DCDC1: variants seen among roughly 807,000 people sequenced by gnomAD.
DCDC1 encodes doublecortin domain-containing protein 1.
In DCDC1, 200 loss-of-function variants were observed where a neutral mutation model predicts 178.3. That is an observed-to-expected ratio of 1.12 (90% CI 1.00 to 1.26). The LOEUF (loss-of-function observed/expected upper bound fraction) is 1.26. Ranked by LOEUF, DCDC1 falls within the 50% of genes most tolerant of loss-of-function variation. The pLI is 0.00. For synonymous variants in DCDC1, 690 were observed against 604.8 expected (o/e 1.14, Z -2.07); for missense variants, 1,983 against 1,749.2 (o/e 1.13, Z -2.38).
At chr11:31,274,699 C>T (rs1261918400) in intron 7 of DCDC1, among the ~76,000 whole-genome samples, 4 of 132,076 alleles carry the variant, frequency 3.0e-5, no homozygotes, top group Non-Finnish European at 6.4e-5. Context: ...TCACAAATGT[C>T]TTTTTTTTTT....
At chr11:30,984,841 C>T (rs1289033357) in intron 20 of DCDC1, among the ~76,000 whole-genome samples, 1 of 152,142 alleles carries the variant, frequency 6.6e-6, no homozygotes, top group Non-Finnish European at 1.5e-5. Context: ...TGTGCTGATA[C>T]ATTTGGAAAC....
chr11:31,211,262 T>C (rs1972501316), intron 9 of DCDC1, among the ~76,000 whole-genome samples: 1 of 152,202 alleles, frequency 6.6e-6, no homozygotes, highest in South Asian at 2.1e-4. Flanking sequence ...ATAATTATGA[T>C]GATAAAGCAT....
Position 31,077,875 on chromosome 11 carries a change from A to G in DCDC1, c.2288T>C (p.Ile763Thr). ...TTATAAAGTCCTTACCTTTGAATAA[A>G]TGCAACCATCAGTTCCAAACACCCA... ...QKWVFGTDGC[I>T]YSKAYPQFVL... Residue 763 changes from isoleucine (I) to threonine (T), a missense_variant, in exon 18 of 39, where the codon ATT becomes ACT. Physicochemically the swap from Ile to Thr is moderately conservative, Grantham distance 89. Transcript: ENST00000684477. The G allele has an allele frequency of 1.3e-6, 1 of 766,266 alleles. No homozygotes were observed. Among genetic ancestry groups the G allele is most frequent in the Non-Finnish European group, 2.4e-6 (1 of 417,786 alleles). 47.5% of individuals were successfully genotyped at this position (766,266 alleles called of 1,614,324 possible). A position where few individuals can be genotyped will look rare whatever the true frequency, so the allele number is the denominator to read the frequency against.
intron 20 of DCDC1, among the ~76,000 whole-genome samples, chr11:30,983,814 C>T (rs1950504684): frequency 6.6e-6 from 1 of 151,854 alleles, no homozygotes; most frequent in Non-Finnish European, 1.5e-5. Flanking sequence ...CTCCCTCACT[C>T]ATGAAAATAA....
chr11:30,867,977 A>G (rs922520739), intron 38 of DCDC1, among the ~76,000 whole-genome samples: 2 of 152,168 alleles, frequency 1.3e-5, no homozygotes, highest in African/African-American at 4.8e-5. Context: ...CATGAGTCCC[A>G]GCCCAATATT....
At chr11:30,873,248 T>C (rs1941764318) in intron 38 of DCDC1, among the ~76,000 whole-genome samples, 1 of 150,278 alleles carries the variant, frequency 6.7e-6, no homozygotes, top group South Asian at 2.1e-4. Flanking sequence ...ATTTATCCTA[T>C]CAAAATGACT....
chr11:31,169,885 G>T (rs1179698680), intron 9 of DCDC1, among the ~76,000 whole-genome samples: 1 of 152,160 alleles, frequency 6.6e-6, no homozygotes, highest in Admixed American at 6.5e-5. Flanking sequence ...CAAAGATTTT[G>T]GGGGTAAGGA....
intron 21 of DCDC1, among the ~76,000 whole-genome samples, chr11:30,940,544 T>C (rs1947568623): frequency 6.6e-6 from 1 of 152,184 alleles, no homozygotes; most frequent in Non-Finnish European, 1.5e-5. Flanking sequence ...TGCCTGGCAA[T>C]ATTGGTTGTC....
chr11:31,051,759 T>A (rs1955263130), intron 20 of DCDC1, among the ~76,000 whole-genome samples: 1 of 152,138 alleles, frequency 6.6e-6, no homozygotes, highest in East Asian at 1.9e-4. Flanking sequence ...ATAGTCGTTT[T>A]CAGACAAACA....
chr11:31,261,362 C>T (rs964688236), intron 8 of DCDC1, among the ~76,000 whole-genome samples: 2 of 152,170 alleles, frequency 1.3e-5, no homozygotes, highest in Non-Finnish European at 2.9e-5. Flanking sequence ...TCCCCATATC[C>T]CTGTTATTTT....
chr11:31,153,385 C>T (rs1357111555), intron 9 of DCDC1, among the ~76,000 whole-genome samples: 1 of 152,122 alleles, frequency 6.6e-6, no homozygotes, highest in African/African-American at 2.4e-5. Flanking sequence ...CTCTTCAAAC[C>T]CCCATCGCAT....
intron 9 of DCDC1, among the ~76,000 whole-genome samples, chr11:31,232,688 C>T (rs1236880152): frequency 6.6e-6 from 1 of 152,138 alleles, no homozygotes; most frequent in African/African-American, 2.4e-5. Flanking sequence ...CTTGCTGTCT[C>T]ACCTTAGACA....
At chr11:31,093,415 G>A (rs1052986560) in intron 16 of DCDC1, among the ~76,000 whole-genome samples, 2 of 152,116 alleles carry the variant, frequency 1.3e-5, no homozygotes, top group African/African-American at 4.8e-5. Flanking sequence ...GGAGATACAG[G>A]AAAGATAATT....
At chr11:31,080,891 T>C (rs1182577586) in intron 17 of DCDC1, among the ~76,000 whole-genome samples, 1 of 152,250 alleles carries the variant, frequency 6.6e-6, no homozygotes, top group Non-Finnish European at 1.5e-5. Flanking sequence ...ATACGACATC[T>C]GCAATTGGCA....
chr11:31,307,472 A>C, intron 4 of DCDC1, 167 bp downstream of exon 4: 1 of 814,658 alleles, frequency 1.2e-6, no homozygotes, highest in South Asian at 1.9e-5. Flanking sequence ...TGTAATTAAC[A>C]ACATTCTACT....
chr11:30,921,002 A>G, intron 24 of DCDC1, 67 bp from the exon 25 acceptor site: 2 of 1,487,158 alleles, frequency 1.3e-6, no homozygotes, highest in Admixed American at 2.2e-5. Flanking sequence ...GAATTTAAAA[A>G]CACACACTAA....
In DCDC1 at chr11:31,312,043, C is replaced by A. The variant is rs1467561110; in HGVS notation, c.165-4135G>T. 2.6e-5 allele frequency among the ~76,000 whole-genome samples: 4 copies of A among 152,044 alleles called. No homozygotes were observed. In the East Asian group the frequency reaches 7.7e-4, roughly 29 times the overall value. ...GGGATGATGAAAAGAGACACCTCTC[C>A]AACCCTGTCCTATTAAGTCACCGAA... On this transcript the variant is annotated intron_variant, in intron 3 of 38. Transcript: ENST00000684477.
At chr11:31,177,586 T>C (rs1428250120) in intron 9 of DCDC1, among the ~76,000 whole-genome samples, 3 of 152,146 alleles carry the variant, frequency 2.0e-5, no homozygotes, top group South Asian at 4.1e-4. Flanking sequence ...AGTGGCTGAA[T>C]TGAGTAAAGA....
intron 8 of DCDC1, among the ~76,000 whole-genome samples, chr11:31,246,301 A>G (rs1357815436): frequency 6.6e-6 from 1 of 152,038 alleles, no homozygotes; most frequent in Non-Finnish European, 1.5e-5. Flanking sequence ...ATGAAAGAAA[A>G]GCACACTGCC....
Sources: gnomAD v4.1 joint callset for allele counts (sites outside exome capture counted in the v4.1 genomes callset) on GRCh38, gnomAD v4.1.1 for gene constraint, MANE v1.5 for transcripts, NCBI Gene and HGNC (gene_info 2026-07-23, HGNC 2026-07-21) for gene names.